The following NBEA variants were observed in gnomAD, a reference collection of about 807,000 sequenced individuals.
NBEA encodes the protein lysosomal-trafficking regulator 2.
Under a neutral mutation model 343.4 loss-of-function variants are expected in NBEA, and 44 were observed. The observed-to-expected ratio is 0.13, with a 90% CI of 0.10 to 0.16. NBEA has a LOEUF of 0.16. NBEA is among the 10% of genes least tolerant of loss of function. NBEA has a pLI of 1.00. For missense variants in NBEA, 2,555 were observed against 3,631.3 expected (o/e 0.70, Z 7.62); for synonymous variants, 1,175 against 1,238.7 (o/e 0.95, Z 1.08).
At chr13:35,365,551 T>A (rs748239612) in intron 38 of NBEA, among the ~76,000 whole-genome samples, 10 of 151,718 alleles carry the variant, frequency 6.6e-5, no homozygotes, top group Non-Finnish European at 1.2e-4. Context: ...TGGAATCTTG[T>A]CAGATTCTAA....
chr13:35,589,228 G>A (rs2081419137), intron 46 of NBEA, among the ~76,000 whole-genome samples: 1 of 152,028 alleles, frequency 6.6e-6, no homozygotes, highest in African/African-American at 2.4e-5. Context: ...AAGAGAAATA[G>A]GAGAAAATAA....
chr13:35,204,965 G>A (rs900506676), intron 31 of NBEA, among the ~76,000 whole-genome samples: 1 of 152,098 alleles, frequency 6.6e-6, no homozygotes, highest in Admixed American at 6.6e-5. Flanking sequence ...GATTTTATAA[G>A]AGTTGAAAAT....
At chr13:35,513,787 T>G in intron 41 of NBEA, among the ~76,000 whole-genome samples, 1 of 152,204 alleles carries the variant, frequency 6.6e-6, no homozygotes, top group Middle Eastern at 3.4e-3. Context: ...AATAATAGTA[T>G]GTGACATTTT....
rs879010725 is a variant in NBEA at position 35,156,194 on chromosome 13, G to A, written c.2639G>A (p.Arg880His). ...ATGATAAAACTTTTCAGTAACAGCCGTGAAAATAGAAGGTAAGCAGTTTGG... is the reference window on the plus strand; with the variant it reads ...ATGATAAAACTTTTCAGTAACAGCCATGAAAATAGAAGGTAAGCAGTTTGG... The part of the protein sequence containing the change: ...SDMIKLFSNS[R>H]ENRRCLLQCS... The change falls in exon 20 of 59, where the codon CGT (arginine) becomes CAT (histidine). Residue 880 changes from arginine (R) to histidine (H), a missense_variant. Physicochemically the swap from Arg to His is conservative, Grantham distance 29 (BLOSUM62 0). Transcript: ENST00000379939. 7.6e-6 allele frequency: 12 copies of A among 1,580,582 alleles called. No homozygotes were observed. The highest frequency in any genetic ancestry group is 2.4e-5 in the South Asian group (2 of 85,022).
chr13:35,628,589 A>G (rs2083324569), intron 49 of NBEA, among the ~76,000 whole-genome samples: 1 of 152,224 alleles, frequency 6.6e-6, no homozygotes, highest in Non-Finnish European at 1.5e-5. Context: ...CATTAACATA[A>G]TCTGCCACTG....
At chr13:35,315,854 C>T (rs1438682920) in intron 36 of NBEA, among the ~76,000 whole-genome samples, 2 of 151,956 alleles carry the variant, frequency 1.3e-5, no homozygotes, top group African/African-American at 4.8e-5. Flanking sequence ...AATATTTTAA[C>T]CAACAAGCAT....
intron 41 of NBEA, among the ~76,000 whole-genome samples, chr13:35,543,573 T>A (rs1168561403): frequency 6.6e-6 from 1 of 152,306 alleles, no homozygotes; most frequent in South Asian, 2.1e-4. Context: ...TTCCAATGCC[T>A]CCATCAGGTA....
At chr13:35,583,356 G>C (rs2081143259) in intron 45 of NBEA, among the ~76,000 whole-genome samples, 1 of 152,102 alleles carries the variant, frequency 6.6e-6, no homozygotes. Context: ...TCACCCTTAG[G>C]TGTGTAGTTT....
At chr13:35,644,306 A>G (rs2084113522) in intron 49 of NBEA, among the ~76,000 whole-genome samples, 1 of 152,192 alleles carries the variant, frequency 6.6e-6, no homozygotes, top group African/African-American at 2.4e-5. Flanking sequence ...TTAAATATAT[A>G]TGCATATGTA....
chr13:35,492,150 T>G (rs2076524186), intron 41 of NBEA, among the ~76,000 whole-genome samples: 1 of 151,862 alleles, frequency 6.6e-6, no homozygotes, highest in African/African-American at 2.4e-5. Flanking sequence ...GCTTTGAGGA[T>G]GCAAAGGCAT....
chr13:35,485,323 T>C (rs2076270300), intron 41 of NBEA, among the ~76,000 whole-genome samples: 1 of 152,036 alleles, frequency 6.6e-6, no homozygotes. Flanking sequence ...ATATACTTAA[T>C]TAATCACCCA....
At chr13:35,208,328 G>A (rs183468051) in intron 31 of NBEA, among the ~76,000 whole-genome samples, 122 of 152,250 alleles carry the variant, frequency 8.0e-4, no homozygotes, top group Admixed American at 7.9e-3. Context: ...TGTGATATGG[G>A]TAAGATGGAC....
At chr13:35,321,251 T>C (rs2038119866) in intron 36 of NBEA, among the ~76,000 whole-genome samples, 1 of 152,158 alleles carries the variant, frequency 6.6e-6, no homozygotes, top group Non-Finnish European at 1.5e-5. Context: ...GTCTTTAATG[T>C]TGTTGACCTT....
chr13:35,344,782 C>G (rs1031664120), intron 36 of NBEA, among the ~76,000 whole-genome samples: 1 of 152,018 alleles, frequency 6.6e-6, no homozygotes, highest in Non-Finnish European at 1.5e-5. Context: ...GTAGAGAAAA[C>G]TCTAAGCCCA....
chr13:35,047,065 T>A (rs2062882871), intron 4 of NBEA, among the ~76,000 whole-genome samples: 2 of 152,126 alleles, frequency 1.3e-5, no homozygotes, highest in African/African-American at 2.4e-5. Context: ...TTCCCTGTTT[T>A]AAAAAGTCAA....
At chr13:35,135,777 A>C (rs982621944) in intron 17 of NBEA, among the ~76,000 whole-genome samples, 2 of 151,966 alleles carry the variant, frequency 1.3e-5, no homozygotes, top group Admixed American at 6.6e-5. Context: ...GTATATCTAT[A>C]TATATATATG....
chr13:35,123,977 T>C (rs553025500), intron 17 of NBEA, among the ~76,000 whole-genome samples: 12 of 152,240 alleles, frequency 7.9e-5, no homozygotes, highest in African/African-American at 2.4e-4. Flanking sequence ...GTATTTGTTA[T>C]TAGTTTCTAA....
intron 1 of NBEA, among the ~76,000 whole-genome samples, chr13:35,012,656 C>G (rs1028069429): frequency 3.3e-5 from 5 of 152,100 alleles, no homozygotes; most frequent in African/African-American, 1.2e-4. Context: ...AAGACTGTGC[C>G]ACTATTAATG....
chr13:35,046,841 TG>T (rs2062874879), intron 4 of NBEA, among the ~76,000 whole-genome samples: 1 of 152,124 alleles, frequency 6.6e-6, no homozygotes, highest in Admixed American at 6.6e-5. Context: ...TCTACTGTAG[TG>T]GTACCTCATC....
Sources: allele counts gnomAD v4.1 joint callset (sites outside exome capture counted in the v4.1 genomes callset), GRCh38; gene constraint gnomAD v4.1.1; transcripts MANE v1.5; gene names NCBI Gene and HGNC (gene_info 2026-07-23, HGNC 2026-07-21).